The following APOBR variants were observed in gnomAD, a reference collection of about 807,000 sequenced individuals.
APOBR encodes the protein apoB-48R.
In APOBR, 57 loss-of-function variants were observed where a neutral mutation model predicts 88.5. That is an observed-to-expected ratio of 0.64 (90% CI 0.52 to 0.80). The LOEUF (loss-of-function observed/expected upper bound fraction) is 0.80, where lower values mean the gene tolerates loss of function less well. APOBR is among the 30% of genes least tolerant of loss of function. APOBR has a pLI of 0.00. For synonymous variants in APOBR, 588 were observed against 572.7 expected, an observed-to-expected ratio of 1.03 and a Z score of -0.38; for missense variants, 1,443 against 1,401.6, an observed-to-expected ratio of 1.03 and a Z score of -0.47.
chr16:28,497,303 T>G lies in APOBR; in HGVS notation c.2262T>G (p.Asp754Glu). 6.3e-7 allele frequency: 1 copy of G among 1,599,314 alleles called. No individual in the cohort carries two copies. Among genetic ancestry groups the G allele is most frequent in the Non-Finnish European group, 8.5e-7 (1 of 1,173,318 alleles). ...AVAVGLPDRE[D>E]AQTGSVAAGI... is the part of the protein sequence containing the mutation. Reference sequence around the variant, plus strand: ...CTGTGGGCCTCCCGGACCGTGAGGATGCACAGACTGGCTCTGTGGCTGCTG... The same window carrying G: ...CTGTGGGCCTCCCGGACCGTGAGGAGGCACAGACTGGCTCTGTGGCTGCTG... The change falls in exon 2 of 4, where the codon GAT (aspartate) becomes GAG (glutamate). Residue 754 changes from aspartate to glutamate, a missense_variant. By Grantham distance (45) the Asp-to-Glu change is conservative. Transcript: ENST00000564831.
In APOBR at chr16:28,495,681, G is replaced by A; in HGVS notation, c.640G>A (p.Gly214Arg). 6.5e-7 allele frequency: 1 copy of A among 1,537,328 alleles called. No individual in the cohort carries two copies. Among genetic ancestry groups the A allele is most frequent in the Non-Finnish European group, 8.8e-7 (1 of 1,139,024 alleles). Residue 214 changes from glycine to arginine, a missense_variant, in exon 2 of 4, where the codon GGG becomes AGG. Coordinates refer to ENST00000564831, the MANE Select transcript of APOBR (RefSeq NM_018690.4). ...GACGGAGGGGAAGGCTGGTGCTGTT[G>A]GGCCAAAGGCGGCAGGGGACAACCG... ...GETEGKAGAV[G>R]PKAAGDNREM...
chr16:28,496,166 C>G lies in APOBR; in HGVS notation c.1125C>G (p.Thr375=). 6.4e-7 allele frequency: 1 copy of G among 1,551,814 alleles called. No individual in the cohort carries two copies. Among genetic ancestry groups the G allele is most frequent in the Non-Finnish European group, 8.7e-7 (1 of 1,151,090 alleles). The stretch of plus-strand genomic sequence containing the variant: ...CAGGAGGGGACGAGGCCTGGACAAC[C>G]TCAGGCAAAGAGGAGGCTGACCTGC... The part of the protein sequence containing the change: ...TASGGDEAWT[T]SGKEEADLLG... Residue 375 remains threonine (T), a synonymous_variant, in exon 2 of 4, where the codon ACC becomes ACG. Coordinates refer to ENST00000564831, the MANE Select transcript of APOBR (RefSeq NM_018690.4).
At position 28,497,126 on chromosome 16, in the gene APOBR, A is replaced by T. The variant is rs40831; in HGVS notation, c.2085A>T (p.Ala695=). The T allele has an allele frequency of 3.1e-6, 5 of 1,603,972 alleles. No homozygotes were observed. In the Admixed American group the frequency reaches 6.9e-5, roughly 22 times the overall value. The change falls in exon 2 of 4, where the codon GCA becomes GCT. Residue 695 remains alanine, a synonymous_variant. Transcript: ENST00000564831. ...DAGCGTEEGE[A]SVSENQELDG... The stretch of plus-strand genomic sequence containing the variant: ...GATGTGGAACTGAGGAGGGAGAGGC[A>T]TCTGTCTCAGAGAACCAGGAGCTGG...
At position 28,497,152 on chromosome 16, in the gene APOBR, A is replaced by G. The variant is rs1325566144; in HGVS notation, c.2111A>G (p.Asp704Gly). The G allele has an allele frequency of 6.2e-7, 1 of 1,606,196 alleles. No individual in the cohort carries two copies. ...EASVSENQELDGSTGADAGPC... is the reference protein window; with the variant it reads ...EASVSENQELGGSTGADAGPC... ...TCTGTCTCAGAGAACCAGGAGCTGG[A>G]CGGAAGCACAGGGGCAGACGCAGGG... The change falls in exon 2 of 4, where the codon GAC becomes GGC. Residue 704 changes from aspartate to glycine, a missense_variant. Asp to Gly is a moderately conservative substitution (Grantham distance 94). Coordinates refer to ENST00000564831, the MANE Select transcript of APOBR (RefSeq NM_018690.4).
chr16:28,494,829 C>T, intron 1 of APOBR, 91 bp downstream of exon 1: 2 of 1,249,616 alleles, frequency 1.6e-6, no homozygotes, highest in Non-Finnish European at 2.3e-6. Flanking sequence ...CCTTTCCCCT[C>T]CTCCTTCTGA....
In APOBR at chr16:28,497,345, T is replaced by C; in HGVS notation, c.2304T>C (p.Asp768=). 6.2e-7 allele frequency: 1 copy of C among 1,607,680 alleles called. No homozygotes were observed. Among genetic ancestry groups the C allele is most frequent in the Non-Finnish European group, 8.5e-7 (1 of 1,177,376 alleles). Residue 768 remains aspartate (D), a synonymous_variant, in exon 2 of 4, where the codon GAT becomes GAC. Coordinates refer to ENST00000564831, the MANE Select transcript of APOBR (RefSeq NM_018690.4). ...TGGCTGCTGGGATTATGGGGGGTGATGTGGTCCCACACATCAGCGCTGCTG... is the reference window on the plus strand; with the variant it reads ...TGGCTGCTGGGATTATGGGGGGTGACGTGGTCCCACACATCAGCGCTGCTG... ...GSVAAGIMGG[D]VVPHISAAGA... is the part of the protein sequence containing the mutation.
chr16:28,495,947 G>A lies in APOBR; in HGVS notation c.906G>A (p.Arg302=). ...CAATTTTAGATGGGGAGGAAGCCAG[G>A]ACAATCTCAGGCGGGGAGGAGGCTG... ...ARAILDGEEA[R]TISGGEEAET... The change falls in exon 2 of 4, where the codon AGG becomes AGA. Residue 302 remains arginine, a synonymous_variant. Transcript: ENST00000564831. 3.1e-6 allele frequency: 5 copies of A among 1,613,272 alleles called. No individual in the cohort carries two copies. Among genetic ancestry groups the A allele is most frequent in the Middle Eastern group, 1.7e-4 (1 of 5,946 alleles).
Position 28,498,753 on chromosome 16 carries a change from C to G in APOBR, c.*248C>G, listed in dbSNP as rs561863704. On this transcript the variant is annotated 3_prime_UTR_variant, in exon 4 of 4. Coordinates refer to ENST00000564831, the MANE Select transcript of APOBR (RefSeq NM_018690.4). ...CCACTGAGACCACCTCTCAGGGTGC[C>G]TGCCCTGGTTCCTCCCCAGCCTGAG... is the stretch of plus-strand genomic sequence containing the variant. 1.7e-6 allele frequency: 1 copy of G among 590,352 alleles called. No homozygotes were observed. Among genetic ancestry groups the G allele is most frequent in the Non-Finnish European group, 3.0e-6 (1 of 332,262 alleles). The allele number at this position is 590,352 out of a possible 1,614,324, so 36.6% of individuals were successfully genotyped here. A position where few individuals can be genotyped will look rare whatever the true frequency, so the allele number is the denominator to read the frequency against.
rs1596571691 is a variant in APOBR, at chr16:28,494,922, C to A, written c.58-177C>A. The A allele has an allele frequency of 5.9e-6, 5 of 841,764 alleles. No individual in the cohort carries two copies. In the East Asian group the frequency reaches 1.4e-4, roughly 23 times the overall value. 52.1% of individuals were successfully genotyped at this position (841,764 alleles called of 1,614,324 possible). ...TCTGAATTTCAGTCCCCACCTCCAA[C>A]CATGCGTCCTCGTACCCCTAATCGA... On this transcript the variant is annotated intron_variant, in intron 1 of 3. Transcript: ENST00000564831.
In APOBR at chr16:28,498,009, G is replaced by A; in HGVS notation, c.2955+13G>A. ...CAGCTGGAGCGAGGTGAGGGCTCTT[G>A]GTGGGGTCTCGGGGGGAACGAGTGG... On this transcript the variant is annotated intron_variant, in intron 2 of 3. Transcript: ENST00000564831. The A allele has an allele frequency of 6.3e-7, 1 of 1,578,534 alleles. No homozygotes were observed. The highest frequency in any genetic ancestry group is 8.6e-7 in the Non-Finnish European group (1 of 1,164,002).
In APOBR at chr16:28,498,689, G is replaced by A. The variant is rs983460089; in HGVS notation, c.*184G>A. The A allele has an allele frequency of 1.0e-5, 7 of 703,228 alleles. No homozygotes were observed. The African/African-American group carries it at 1.1e-4, about 11-fold the overall frequency. 43.6% of individuals were successfully genotyped at this position (703,228 alleles called of 1,614,324 possible). A position where few individuals can be genotyped will look rare whatever the true frequency, so the allele number is the denominator to read the frequency against. On this transcript the variant is annotated 3_prime_UTR_variant, in exon 4 of 4. Transcript: ENST00000564831. ...CGTCTGGGAAGACCGTGAACTTAAG[G>A]AGTCTGATTCTCCGACACAGGCTGG...
rs2141734245 is a variant in APOBR, at chr16:28,498,095, G to A, written c.2970G>A (p.Gly990=). 1.3e-6 allele frequency: 2 copies of A among 1,557,568 alleles called. No individual in the cohort carries two copies. The highest frequency in any genetic ancestry group is 2.3e-5 in the East Asian group (1 of 44,320). The part of the protein sequence containing the change: ...ANSWSEAPLP[G]SLLDVSVPRS... ...CTTTCCTGCAGGCCCCGCTCCCCGG[G>A]TCCCTCCTAGACGTCTCTGTCCCAA... Residue 990 remains glycine (G), a synonymous_variant, in exon 3 of 4, where the codon GGG becomes GGA. Transcript: ENST00000564831.
chr16:28,498,623 C>G lies in APOBR; in HGVS notation c.*118C>G. On this transcript the variant is annotated 3_prime_UTR_variant, in exon 4 of 4. Coordinates refer to ENST00000564831, the MANE Select transcript of APOBR (RefSeq NM_018690.4). The stretch of plus-strand genomic sequence containing the variant: ...CACATCCTCTCCACCCTCTGGGCCT[C>G]AGTGTCTTGATGTATCATTCATGGA... 1 of 1,196,862 alleles carries G rather than the reference C, an allele frequency of 8.4e-7. No individual in the cohort carries two copies. Among genetic ancestry groups the G allele is most frequent in the East Asian group, 2.6e-5 (1 of 38,832 alleles). 74.1% of individuals were successfully genotyped at this position (1,196,862 alleles called of 1,614,324 possible). A position where few individuals can be genotyped will look rare whatever the true frequency, so the allele number is the denominator to read the frequency against.
chr16:28,496,367 C>G lies in APOBR; in HGVS notation c.1326C>G (p.Ser442Arg). 1 of 1,600,356 alleles carries G rather than the reference C, an allele frequency of 6.2e-7. No individual in the cohort carries two copies. The highest frequency in any genetic ancestry group is 8.5e-7 in the Non-Finnish European group (1 of 1,173,502). The change falls in exon 2 of 4, where the codon AGC becomes AGG. Residue 442 changes from serine (S) to arginine (R), a missense_variant. By Grantham distance (110) the Ser-to-Arg change is moderately radical. Coordinates refer to ENST00000564831, the MANE Select transcript of APOBR (RefSeq NM_018690.4). ...AAAGAACAGAAGAGGCTGCTGAGAG[C>G]CAGACCGCAGGGAGGGAAGCTGTGG... Reference protein sequence around the residue: ...GTERTEEAAESQTAGREAVGG... With the variant: ...GTERTEEAAERQTAGREAVGG...
chr16:28,497,647 G>C lies in APOBR; in HGVS notation c.2606G>C (p.Gly869Ala). The change falls in exon 2 of 4, where the codon GGA (glycine) becomes GCA (alanine). Residue 869 changes from glycine (G) to alanine (A), a missense_variant. Transcript: ENST00000564831. ...GSQTARAEGM[G>A]AMVEAGGLLE... Reference sequence around the variant, plus strand: ...CAGACAGCGAGGGCAGAGGGGATGGGAGCCATGGTGGAGGCTGGGGGGCTT... The same window carrying C: ...CAGACAGCGAGGGCAGAGGGGATGGCAGCCATGGTGGAGGCTGGGGGGCTT... The C allele has an allele frequency of 6.2e-7, 1 of 1,604,244 alleles. No homozygotes were observed. Among genetic ancestry groups the C allele is most frequent in the Non-Finnish European group, 8.5e-7 (1 of 1,175,458 alleles).
At chr16:28,494,918 C>G in intron 1 of APOBR, 180 bp downstream of exon 1, 4 of 845,264 alleles carry the variant, frequency 4.7e-6, no homozygotes, top group Non-Finnish European at 7.2e-6. Flanking sequence ...GTCCCCACCT[C>G]CAACCATGCG....
chr16:28,495,274 C>CT lies in APOBR; in HGVS notation c.234dup (p.Gly79TrpfsTer9). The CT allele has an allele frequency of 6.5e-7, 1 of 1,528,804 alleles. No individual in the cohort carries two copies. The highest frequency in any genetic ancestry group is 8.8e-7 in the Non-Finnish European group (1 of 1,138,740). The allele number at this position is 1,528,804 out of a possible 1,614,324, so 94.7% of individuals were successfully genotyped here. ...CTTAGAGGCAGCCAAAACGAGGGGG[C>CT]TGGAAGGCTGAGAGGGCCTGGAGAT... On this transcript the variant is annotated frameshift_variant, in exon 2 of 4. Transcript: ENST00000564831. LOFTEE classifies it high-confidence loss of function.
rs535092233 is a variant in APOBR at position 28,498,040 on chromosome 16, C to G, written c.2956-41C>G. 2.5e-5 allele frequency: 38 copies of G among 1,546,240 alleles called. No homozygotes were observed. In the East Asian group the frequency reaches 8.3e-4, roughly 34 times the overall value. ...GTCTCGGGGGGAACGAGTGGAATCC[C>G]GAAGCCGGCCCCATGGTCCTCTGTG... On this transcript the variant is annotated intron_variant, in intron 2 of 3. Coordinates refer to ENST00000564831, the MANE Select transcript of APOBR (RefSeq NM_018690.4).
chr16:28,495,318 G>T lies in APOBR; in HGVS notation c.277G>T (p.Gly93Trp). Residue 93 changes from glycine (G) to tryptophan (W), a missense_variant, in exon 2 of 4, where the codon GGG becomes TGG. Coordinates refer to ENST00000564831, the MANE Select transcript of APOBR (RefSeq NM_018690.4). ...GPGDDRRHEV[G>W]SSAVEQTWGW... ...TGGAGATGACAGAAGACATGAAGTG[G>T]GGAGCTCAGCTGTAGAACAGACCTG... The T allele has an allele frequency of 6.5e-7, 1 of 1,545,374 alleles. No individual in the cohort carries two copies. Among genetic ancestry groups the T allele is most frequent in the East Asian group, 2.4e-5 (1 of 42,252 alleles).
Sources: gnomAD v4.1 joint callset for allele counts on GRCh38, gnomAD v4.1.1 for gene constraint, MANE v1.5 for transcripts, NCBI Gene and HGNC (gene_info 2026-07-23, HGNC 2026-07-21) for gene names.